The following PGAP1 variants were observed in gnomAD, a reference collection of about 807,000 sequenced individuals.
The protein encoded by PGAP1 is post-GPI attachment to proteins inositol deacylase 1, also known as GPI inositol-deacylase.
A neutral mutation model predicts 127.0 loss-of-function variants in PGAP1; 76 were observed. That is an observed-to-expected ratio of 0.60 (90% CI 0.50 to 0.72). The LOEUF is 0.72. Ranked by LOEUF, PGAP1 falls within the 30% of genes least tolerant of loss-of-function variation. The pLI is 0.00. For missense variants in PGAP1, 982 were observed against 1,071.3 expected (o/e 0.92, Z 1.16); for synonymous variants, 362 against 366.5 (o/e 0.99, Z 0.14).
Position 196,840,210 on chromosome 2 carries a change from T to C in PGAP1, c.*1024A>G, listed in dbSNP as rs969104922. On this transcript the variant is annotated 3_prime_UTR_variant, in exon 27 of 27. Transcript: ENST00000354764. ...TCAGGTGTACTGTTTATACTCATGC[T>C]ACTAATGGGTTAACAGTTGTCTACT... The C allele has an allele frequency of 6.6e-6, 1 of 152,240 alleles. No homozygotes were observed. The highest frequency in any genetic ancestry group is 1.5e-5 in the Non-Finnish European group (1 of 68,034). The allele number at this position is 152,240 out of a possible 1,614,324, so 9.4% of individuals were successfully genotyped here.
At chr2:196,865,402 G>A (rs185896094) in intron 19 of PGAP1, among the ~76,000 whole-genome samples, 1 of 152,164 alleles carries the variant, frequency 6.6e-6, no homozygotes, top group Admixed American at 6.5e-5. Flanking sequence ...ATTATCTCAT[G>A]TACTTCTCCC....
chr2:196,922,575 C>CAA lies in PGAP1; in HGVS notation c.148-2426_148-2425insTT, dbSNP rs1316955143. 4 of 668,192 alleles carry CAA rather than the reference C, an allele frequency of 6.0e-6. No homozygotes were observed. The Admixed American group carries it at 3.2e-4, about 54-fold the overall frequency. The allele number at this position is 668,192 out of a possible 1,614,324, so 41.4% of individuals were successfully genotyped here. A position where few individuals can be genotyped will look rare whatever the true frequency, so the allele number is the denominator to read the frequency against. ...TTCATACTGCTAACACACACACACA[C>CAA]AGACACACACACACACACACACACA... is the stretch of plus-strand genomic sequence containing the variant. On this transcript the variant is annotated intron_variant, in intron 1 of 26. Transcript: ENST00000354764.
chr2:196,893,941 C>G (rs1702183558), intron 7 of PGAP1, among the ~76,000 whole-genome samples: 1 of 152,188 alleles, frequency 6.6e-6, no homozygotes, highest in East Asian at 1.9e-4. Context: ...CTTTCTCAAC[C>G]ACAGAGCGAG....
chr2:196,841,957 G>A lies in PGAP1; in HGVS notation c.2631-585C>T, dbSNP rs182154156. Reference sequence around the variant, plus strand: ...AAAATACTAGTTGGACTTTTATTCAGTAGTTCCACTTCTAGAAATTTATCC... The same window carrying A: ...AAAATACTAGTTGGACTTTTATTCAATAGTTCCACTTCTAGAAATTTATCC... On this transcript the variant is annotated intron_variant, in intron 26 of 26. Transcript: ENST00000354764. Among the ~76,000 whole-genome samples the A allele has an allele frequency of 1.1e-3, 166 of 151,892 alleles. 1 individual carries two copies. Among genetic ancestry groups the A allele is most frequent in the Non-Finnish European group, 1.7e-3 (116 of 67,942 alleles).
intron 20 of PGAP1, 63 bp from the exon 21 acceptor site, chr2:196,848,100 C>T (rs1455432611): frequency 1.8e-6 from 2 of 1,103,966 alleles, no homozygotes; most frequent in African/African-American, 3.2e-5. Flanking sequence ...TACTATATCC[C>T]ACGTTCTCTA....
chr2:196,911,533 C>G (rs1294864260), intron 4 of PGAP1, among the ~76,000 whole-genome samples: 1 of 95,494 alleles, frequency 1.0e-5, no homozygotes, highest in Non-Finnish European at 2.0e-5. Context: ...GTGCAGCGCA[C>G]CAGCATGGCA....
In PGAP1 at chr2:196,856,863, T is replaced by A. The variant is rs559840309; in HGVS notation, c.1861+8124A>T. On this transcript the variant is annotated intron_variant, in intron 20 of 26. Transcript: ENST00000354764. ...TCAAAACTATTATGCAAACTGATCA[T>A]TTTACTTTGTATTTCCCCTTTTTAA... Among the ~76,000 whole-genome samples, 4 of 152,362 alleles carry A rather than the reference T, an allele frequency of 2.6e-5. No homozygotes were observed. The South Asian group carries it at 8.3e-4, about 32-fold the overall frequency.
Position 196,920,066 on chromosome 2 carries a change from G to C in PGAP1, c.232C>G (p.His78Asp). Residue 78 changes from histidine (H) to aspartate (D), a missense_variant, in exon 2 of 27, where the codon CAC (histidine) becomes GAC (aspartate). Coordinates refer to ENST00000354764, the MANE Select transcript of PGAP1 (RefSeq NM_024989.4). ...LYGEGSYAEEHKILPLTGIPV... is the reference protein window; with the variant it reads ...LYGEGSYAEEDKILPLTGIPV... ...ATACCCGTCAAAGGGAGAATTTTGT[G>C]TTCTTCAGCATAGGATCCCTCTCCA... is the stretch of plus-strand genomic sequence containing the variant. 6.2e-7 allele frequency: 1 copy of C among 1,613,338 alleles called. No individual in the cohort carries two copies. Among genetic ancestry groups the C allele is most frequent in the Non-Finnish European group, 8.5e-7 (1 of 1,179,524 alleles).
At position 196,846,718 on chromosome 2, in the gene PGAP1, C is replaced by T. The variant is rs141047589; in HGVS notation, c.2150+285G>A. ...AGCAATATTATGGGAGAAACAATCC[C>T]TCCTGGGAAAGATTCACAACCACGA... On this transcript the variant is annotated intron_variant, in intron 22 of 26. Transcript: ENST00000354764. Among the ~76,000 whole-genome samples the T allele has an allele frequency of 1.7e-3, 255 of 152,270 alleles. 1 individual carries two copies. Among genetic ancestry groups the T allele is most frequent in the African/African-American group, 5.9e-3 (247 of 41,574 alleles).
intron 19 of PGAP1, among the ~76,000 whole-genome samples, chr2:196,866,257 C>A (rs187399035): frequency 1.5e-4 from 23 of 152,288 alleles, no homozygotes; most frequent in African/African-American, 5.1e-4. Flanking sequence ...CAATATGGTA[C>A]TGGTACCAAA....
intron 6 of PGAP1, among the ~76,000 whole-genome samples, chr2:196,897,796 T>C (rs1294770285): frequency 6.6e-6 from 1 of 152,242 alleles, no homozygotes; most frequent in Non-Finnish European, 1.5e-5. Context: ...TATTGGGTTT[T>C]TGGGAGATTA....
Position 196,920,181 on chromosome 2 carries a change from A to T in PGAP1, c.148-31T>A, listed in dbSNP as rs766241802. 7.0e-6 allele frequency: 11 copies of T among 1,581,064 alleles called. No homozygotes were observed. The Admixed American group carries it at 1.2e-4, about 18-fold the overall frequency. ...TTTAAAAAAAAGTAGTTTCACTTTAATCAGTTTTATTAATACAATTCAGCC... is the reference window on the plus strand; with the variant it reads ...TTTAAAAAAAAGTAGTTTCACTTTATTCAGTTTTATTAATACAATTCAGCC... On this transcript the variant is annotated intron_variant, in intron 1 of 26. Transcript: ENST00000354764.
chr2:196,857,764 G>GA (rs1700931699), intron 20 of PGAP1, among the ~76,000 whole-genome samples: 1 of 152,142 alleles, frequency 6.6e-6, no homozygotes, highest in Non-Finnish European at 1.5e-5. Flanking sequence ...ACCTTATACA[G>GA]AAAAAAATTT....
chr2:196,899,618 C>T (rs1206898364), intron 5 of PGAP1, among the ~76,000 whole-genome samples: 2 of 152,320 alleles, frequency 1.3e-5, no homozygotes, highest in African/African-American at 4.8e-5. Flanking sequence ...AAAGGAAAGG[C>T]AACACAAATC....
At chr2:196,925,536 TTGTC>T (rs758640949) in intron 1 of PGAP1, among the ~76,000 whole-genome samples, 4 of 152,322 alleles carry the variant, frequency 2.6e-5, no homozygotes, top group South Asian at 2.1e-4. Flanking sequence ...GTTGTGTAAT[TTGTC>T]TGCGCCTCTT....
At chr2:196,861,033 A>C (rs1701047637) in intron 20 of PGAP1, among the ~76,000 whole-genome samples, 1 of 152,190 alleles carries the variant, frequency 6.6e-6, no homozygotes, top group Non-Finnish European at 1.5e-5. Context: ...AAATCCACTC[A>C]TTTACAGCCA....
At chr2:196,887,956 G>A (rs1016210371) in intron 10 of PGAP1, among the ~76,000 whole-genome samples, 8 of 152,200 alleles carry the variant, frequency 5.3e-5, no homozygotes, top group African/African-American at 9.6e-5. Context: ...GGTTTTTGCC[G>A]CTACTAAGAA....
Position 196,880,099 on chromosome 2 carries a change from C to A in PGAP1, c.1327G>T (p.Val443Leu). The change falls in exon 13 of 27, where the codon GTA becomes TTA. Residue 443 changes from valine to leucine, a missense_variant. Transcript: ENST00000354764. ...ACCTTACTTCCACGAACAGATGGTA[C>A]ATAAACAACAAGATGAGACAAAGAT... Reference protein sequence around the residue: ...YPSLSHLVVYVPSVRGSKFVV... With the variant: ...YPSLSHLVVYLPSVRGSKFVV... 6.3e-7 allele frequency: 1 copy of A among 1,599,460 alleles called. No homozygotes were observed. Among genetic ancestry groups the A allele is most frequent in the Non-Finnish European group, 8.5e-7 (1 of 1,171,876 alleles).
chr2:196,902,763 G>C (rs1423546205), intron 4 of PGAP1, 21 bp from the exon 5 acceptor site: 4 of 1,571,332 alleles, frequency 2.5e-6, no homozygotes, highest in Middle Eastern at 1.7e-4. Context: ...ATAAAAAAGA[G>C]ACATTAAAAA....
Sources: allele counts gnomAD v4.1 joint callset (sites outside exome capture counted in the v4.1 genomes callset), GRCh38; gene constraint gnomAD v4.1.1; transcripts MANE v1.5; gene names NCBI Gene and HGNC (gene_info 2026-07-23, HGNC 2026-07-21).